Variants in SHLD1 observed in about 807,000 individuals in gnomAD.
The protein encoded by SHLD1 is shieldin complex subunit 1, also known as RINN1-REV7-interacting novel NHEJ regulator 3.
Under a neutral mutation model 5.5 loss-of-function variants are expected in SHLD1, and 3 were observed. The observed-to-expected ratio is 0.54, with a 90% CI of 0.25 to 1.40. The LOEUF is 1.40. Among genes scored for constraint, SHLD1 ranks in the 40% most tolerant of loss-of-function variants. The probability of loss-of-function intolerance (pLI) is 0.15; values close to 1 mark genes in which losing one functional copy is unlikely to be tolerated. For synonymous variants in SHLD1, 92 were observed against 94.3 expected (o/e 0.98, Z 0.14); for missense variants, 210 against 244.4 (o/e 0.86, Z 0.94).
In SHLD1 at chr20:5,760,799, C is replaced by T. The variant is rs368890995; in HGVS notation, c.-5+10320C>T. Among the ~76,000 whole-genome samples, 4 of 151,910 alleles carry T rather than the reference C, an allele frequency of 2.6e-5. No individual in the cohort carries two copies. In the East Asian group the frequency reaches 5.8e-4, roughly 22 times the overall value. On this transcript the variant is annotated intron_variant, in intron 1 of 2. Coordinates refer to ENST00000303142, the MANE Select transcript of SHLD1 (RefSeq NM_152504.4). ...AAGAGTGGAGAAAACATGAAGTGGT[C>T]AAGGAGAAGAGAAGAGACAGTTACG... is the stretch of plus-strand genomic sequence containing the variant.
intron 1 of SHLD1, among the ~76,000 whole-genome samples, chr20:5,768,874 C>T (rs968630391): frequency 2.7e-5 from 4 of 150,884 alleles, no homozygotes; most frequent in African/African-American, 7.3e-5. Context: ...CCACATTTAA[C>T]GTATCATGGA....
chr20:5,817,440 G>C (rs866005210), intron 2 of SHLD1, among the ~76,000 whole-genome samples: 10,023 of 103,554 alleles, frequency 0.097, 536 homozygotes, highest in Middle Eastern at 0.15. Context: ...CTCTGTGTGT[G>C]TGTGTGTGTG....
At chr20:5,848,050 T>C (rs889325073) in intron 2 of SHLD1, among the ~76,000 whole-genome samples, 4 of 152,214 alleles carry the variant, frequency 2.6e-5, no homozygotes, top group African/African-American at 7.2e-5. Flanking sequence ...TAGAATACTA[T>C]AGAGCAGTTT....
chr20:5,824,366 C>A (rs1044209194), intron 2 of SHLD1, among the ~76,000 whole-genome samples: 1 of 152,210 alleles, frequency 6.6e-6, no homozygotes, highest in Non-Finnish European at 1.5e-5. Flanking sequence ...CTATCCCCTT[C>A]CTCTATTTTA....
intron 2 of SHLD1, among the ~76,000 whole-genome samples, chr20:5,827,637 C>A (rs1399060364): frequency 6.6e-6 from 1 of 152,186 alleles, no homozygotes; most frequent in Non-Finnish European, 1.5e-5. Flanking sequence ...ATGACCTTTG[C>A]ACTTCTTTTC....
At chr20:5,775,201 G>A (rs1985368121) in intron 2 of SHLD1, among the ~76,000 whole-genome samples, 1 of 151,700 alleles carries the variant, frequency 6.6e-6, no homozygotes, top group Non-Finnish European at 1.5e-5. Context: ...ACCATACATG[G>A]CTTTTTTTTT....
At position 5,756,305 on chromosome 20, in the gene SHLD1, T is replaced by C. The variant is rs62203869; in HGVS notation, c.-5+5826T>C. On this transcript the variant is annotated intron_variant, in intron 1 of 2. Transcript: ENST00000303142. ...CATCTTTACAAAAAAAAAAAATTTT[T>C]AAGCATTATATTGATCTTTAGTGAC... Among the ~76,000 whole-genome samples, 1,318 of 152,210 alleles carry C rather than the reference T, an allele frequency of 8.7e-3. 20 individuals are homozygous for C. The highest frequency in any genetic ancestry group is 0.029 in the African/African-American group (1,219 of 41,518).
chr20:5,844,791 ATATATATAT>A (rs1402354937), intron 2 of SHLD1, among the ~76,000 whole-genome samples: 1,209 of 98,598 alleles, frequency 0.012, 51 homozygotes, highest in African/African-American at 0.073. Context: ...ATATATATAT[ATATATATAT>A]TTTTTTTTTT....
At chr20:5,759,506 C>A (rs547337191) in intron 1 of SHLD1, among the ~76,000 whole-genome samples, 1 of 152,142 alleles carries the variant, frequency 6.6e-6, no homozygotes, top group African/African-American at 2.4e-5. Flanking sequence ...AGTGATCCAC[C>A]CACCTTGGCC....
At chr20:5,774,840 C>T (rs1384474749) in intron 2 of SHLD1, among the ~76,000 whole-genome samples, 3 of 152,158 alleles carry the variant, frequency 2.0e-5, no homozygotes, top group African/African-American at 7.2e-5. Flanking sequence ...ATATCACTGA[C>T]CAAGAATTAG....
intron 2 of SHLD1, among the ~76,000 whole-genome samples, chr20:5,857,014 C>G (rs567082246): frequency 6.6e-6 from 1 of 152,194 alleles, no homozygotes; most frequent in Admixed American, 6.5e-5. Flanking sequence ...CAGAGTCTCA[C>G]TCTGTCGCCC....
chr20:5,857,283 A>G (rs555274571), intron 2 of SHLD1, among the ~76,000 whole-genome samples: 48 of 152,292 alleles, frequency 3.2e-4, no homozygotes, highest in Non-Finnish European at 3.7e-4. Context: ...TTTTAAACAT[A>G]TAAGTCCATT....
At chr20:5,836,486 G>A (rs1358485374) in intron 2 of SHLD1, among the ~76,000 whole-genome samples, 1 of 152,164 alleles carries the variant, frequency 6.6e-6, no homozygotes, top group African/African-American at 2.4e-5. Flanking sequence ...ACTCCCCCTT[G>A]CTCCCATGGC....
chr20:5,844,785 A>ATTTTTT (rs1451016272), intron 2 of SHLD1, among the ~76,000 whole-genome samples: 19 of 102,362 alleles, frequency 1.9e-4, no homozygotes, highest in East Asian at 3.7e-4. Flanking sequence ...ATATATATAT[A>ATTTTTT]TATATATATA....
chr20:5,799,772 G>C (rs2087265392), intron 2 of SHLD1, among the ~76,000 whole-genome samples: 1 of 152,084 alleles, frequency 6.6e-6, no homozygotes, highest in Non-Finnish European at 1.5e-5. Context: ...CTTTTTAAAA[G>C]GATACTTACA....
intron 2 of SHLD1, among the ~76,000 whole-genome samples, chr20:5,777,983 AC>A (rs1215117553): frequency 8.5e-5 from 13 of 152,060 alleles, no homozygotes; most frequent in African/African-American, 3.1e-4. Context: ...ATTCTGTAGT[AC>A]TTTTATATGT....
chr20:5,841,355 CAG>C (rs2087857821), intron 2 of SHLD1, among the ~76,000 whole-genome samples: 1 of 151,974 alleles, frequency 6.6e-6, no homozygotes, highest in Non-Finnish European at 1.5e-5. Context: ...TATAGAAAAA[CAG>C]AAATTTGCAT....
At chr20:5,756,697 T>C (rs1442868229) in intron 1 of SHLD1, 1 of 165,130 alleles carries the variant, frequency 6.1e-6, no homozygotes, top group African/African-American at 2.5e-5. Flanking sequence ...TTCTTTTTTT[T>C]TTTTTTTTTT....
chr20:5,814,288 T>C (rs1419701566), intron 2 of SHLD1, among the ~76,000 whole-genome samples: 1 of 152,078 alleles, frequency 6.6e-6, no homozygotes, highest in Non-Finnish European at 1.5e-5. Context: ...GCTTTTCCTT[T>C]ATGGCTGCCT....
Sources: allele counts gnomAD v4.1 joint callset (sites outside exome capture counted in the v4.1 genomes callset), GRCh38; gene constraint gnomAD v4.1.1; transcripts MANE v1.5; gene names NCBI Gene and HGNC (gene_info 2026-07-23, HGNC 2026-07-21).